Variants in ST18 observed in about 807,000 individuals in gnomAD.
ST18 encodes the protein ST18 C2H2C-type zinc finger transcription factor.
ST18 carries 50 observed loss-of-function variants against 110.0 expected under a neutral mutation model. The ratio of observed to expected loss-of-function variants is 0.45; its 90% CI spans 0.36 to 0.58. The LOEUF (loss-of-function observed/expected upper bound fraction) is 0.58, where lower values mean the gene tolerates loss of function less well. Among genes scored for constraint, ST18 ranks in the 20% least tolerant of loss-of-function variants. ST18 has a pLI of 0.00. For missense variants in ST18, 1,306 were observed against 1,280.1 expected (o/e 1.02, Z -0.31); for synonymous variants, 461 against 452.4 (o/e 1.02, Z -0.24).
intron 22 of ST18, among the ~76,000 whole-genome samples, chr8:52,128,983 A>G (rs1426857978): frequency 1.3e-5 from 2 of 152,190 alleles, no homozygotes; most frequent in Admixed American, 1.3e-4. Context: ...ACAATCTCAG[A>G]GATTTCAGAT....
chr8:52,131,803 C>A (rs963960573), intron 22 of ST18, among the ~76,000 whole-genome samples, 155 bp downstream of exon 22: 2 of 152,146 alleles, frequency 1.3e-5, no homozygotes, highest in Admixed American at 6.5e-5. Flanking sequence ...ATTCTTCATG[C>A]TCATCCAGTA....
intron 2 of ST18, among the ~76,000 whole-genome samples, chr8:52,378,418 T>A (rs992450686): frequency 6.6e-6 from 1 of 152,150 alleles, no homozygotes; most frequent in African/African-American, 2.4e-5. Flanking sequence ...AAAAGAGCAA[T>A]GAGCTATTTA....
intron 2 of ST18, among the ~76,000 whole-genome samples, chr8:52,282,156 A>G (rs1302950913): frequency 2.0e-5 from 3 of 152,196 alleles, no homozygotes; most frequent in African/African-American, 7.2e-5. Context: ...GAGGGGAGAG[A>G]CACCCTTCAA....
chr8:52,230,153 A>C (rs2136882983), intron 2 of ST18, 76 bp from the exon 3 acceptor site: 1 of 152,434 alleles, frequency 6.6e-6, no homozygotes, highest in East Asian at 1.9e-4. Context: ...ATTTATCTAC[A>C]GCTTATTAAC....
chr8:52,407,784 A>T (rs966924334), intron 2 of ST18: 2 of 152,136 alleles, frequency 1.3e-5, no homozygotes, highest in Non-Finnish European at 2.9e-5. Context: ...CGGAGAGTTC[A>T]TTGCTCTGCG....
At chr8:52,338,424 T>C (rs1491002293) in intron 2 of ST18, among the ~76,000 whole-genome samples, 1 of 152,216 alleles carries the variant, frequency 6.6e-6, no homozygotes, top group African/African-American at 2.4e-5. Flanking sequence ...ATAATTTTGA[T>C]ATAAAATATT....
intron 23 of ST18, among the ~76,000 whole-genome samples, chr8:52,123,476 C>A (rs923283691): frequency 1.3e-5 from 2 of 152,238 alleles, no homozygotes; most frequent in African/African-American, 4.8e-5. Context: ...GACCCCCAAA[C>A]CACTTTAGGT....
chr8:52,402,915 C>T (rs1843238533), intron 2 of ST18, among the ~76,000 whole-genome samples: 1 of 152,148 alleles, frequency 6.6e-6, no homozygotes, highest in African/African-American at 2.4e-5. Flanking sequence ...TGGGGTGTGG[C>T]TGCTCTGCTG....
At chr8:52,179,026 CTT>C (rs933048079) in intron 9 of ST18, among the ~76,000 whole-genome samples, 5 of 152,088 alleles carry the variant, frequency 3.3e-5, no homozygotes, top group African/African-American at 1.2e-4. Flanking sequence ...ATCTCATTGC[CTT>C]TTGTTTGCAT....
intron 8 of ST18, among the ~76,000 whole-genome samples, chr8:52,209,788 AATATAT>A (rs55960327): frequency 1.1e-4 from 12 of 105,688 alleles, no homozygotes; most frequent in African/African-American, 4.5e-4. Flanking sequence ...AAAAAAAAAA[AATATAT>A]ATATATATAT....
chr8:52,379,094 T>C (rs1833500335), intron 2 of ST18, among the ~76,000 whole-genome samples: 1 of 24,646 alleles, frequency 4.1e-5, no homozygotes, highest in Admixed American at 1.3e-3. Context: ...AATCTATTTC[T>C]TTTCTTTCTT....
intron 2 of ST18, among the ~76,000 whole-genome samples, chr8:52,396,486 C>T (rs1051336083): frequency 6.6e-6 from 1 of 151,988 alleles, no homozygotes; most frequent in Non-Finnish European, 1.5e-5. Context: ...TGTATTAGTC[C>T]GTTCTCACAC....
chr8:52,398,525 T>C (rs932092168), intron 2 of ST18, among the ~76,000 whole-genome samples: 1 of 152,202 alleles, frequency 6.6e-6, no homozygotes, highest in African/African-American at 2.4e-5. Context: ...TGCTCACCAT[T>C]GATCATGACG....
At chr8:52,277,409 C>A (rs1437914725) in intron 2 of ST18, among the ~76,000 whole-genome samples, 1 of 152,096 alleles carries the variant, frequency 6.6e-6, no homozygotes, top group Non-Finnish European at 1.5e-5. Flanking sequence ...CATGATGATA[C>A]CCCCCAATAG....
chr8:52,304,987 C>G (rs2095790994), intron 2 of ST18, among the ~76,000 whole-genome samples: 2 of 152,100 alleles, frequency 1.3e-5, no homozygotes, highest in Non-Finnish European at 2.9e-5. Context: ...TCTATTTGCT[C>G]TTTTTTCTTT....
rs780040510 is a variant in ST18, at chr8:52,171,911, C to T, written c.950G>A (p.Gly317Asp). Reference sequence around the variant, plus strand: ...TTTGTAGGTGTTATGGAAAACACAACCTCGCTCAGCCTGCAGAGCAATTGC... The same window carrying T: ...TTTGTAGGTGTTATGGAAAACACAATCTCGCTCAGCCTGCAGAGCAATTGC... The part of the protein sequence containing the change: ...EQAIALQAER[G>D]CVFHNTYKEL... The change falls in exon 10 of 26, where the codon GGT (glycine) becomes GAT (aspartate). Residue 317 changes from glycine (G) to aspartate (D), a missense_variant. Coordinates refer to ENST00000689386, the MANE Select transcript of ST18 (RefSeq NM_001352837.2). The T allele has an allele frequency of 3.7e-6, 6 of 1,614,068 alleles. No homozygotes were observed. Among genetic ancestry groups the T allele is most frequent in the African/African-American group, 2.7e-5 (2 of 74,928 alleles).
chr8:52,365,953 G>A (rs547642327), intron 2 of ST18, among the ~76,000 whole-genome samples: 3 of 150,748 alleles, frequency 2.0e-5, no homozygotes, highest in South Asian at 2.1e-4. Context: ...CTCCTGCCTC[G>A]GCCCTACCAA....
At chr8:52,118,743 G>A (rs914009314) in intron 23 of ST18, among the ~76,000 whole-genome samples, 1 of 151,976 alleles carries the variant, frequency 6.6e-6, no homozygotes, top group Non-Finnish European at 1.5e-5. Flanking sequence ...CCCTACAGTG[G>A]GACACGCTCC....
At chr8:52,392,432 A>T (rs1013398757) in intron 2 of ST18, among the ~76,000 whole-genome samples, 1 of 152,130 alleles carries the variant, frequency 6.6e-6, no homozygotes. Flanking sequence ...AACATGAGGC[A>T]TGAGGTTAGC....
Sources: gnomAD v4.1 joint callset for allele counts (sites outside exome capture counted in the v4.1 genomes callset) on GRCh38, gnomAD v4.1.1 for gene constraint, MANE v1.5 for transcripts, NCBI Gene and HGNC (gene_info 2026-07-23, HGNC 2026-07-21) for gene names.